CA10: variants seen among roughly 807,000 people sequenced by gnomAD.
CA10 encodes carbonic anhydrase-related protein 10.
A neutral mutation model predicts 44.2 loss-of-function variants in CA10; 14 were observed. The ratio of observed to expected loss-of-function variants is 0.32; its 90% CI spans 0.21 to 0.50. CA10 has a LOEUF of 0.50. CA10 is among the 20% of genes least tolerant of loss of function. CA10 has a pLI of 0.99. For missense variants in CA10, 350 were observed against 409.7 expected (o/e 0.85, Z 1.26); for synonymous variants, 159 against 141.6 (o/e 1.12, Z -0.87).
At chr17:51,909,481 G>A (rs1243206188) in intron 3 of CA10, among the ~76,000 whole-genome samples, 1 of 152,058 alleles carries the variant, frequency 6.6e-6, no homozygotes, top group East Asian at 1.9e-4. Context: ...CTTTTTTCGA[G>A]CTATTTTGAG....
chr17:51,636,579 T>A (rs979542373), intron 6 of CA10, among the ~76,000 whole-genome samples: 1 of 152,194 alleles, frequency 6.6e-6, no homozygotes, highest in African/African-American at 2.4e-5. Flanking sequence ...GAGTCCTTGA[T>A]TCTAGTCCCT....
chr17:51,979,755 A>G (rs1406706066), intron 2 of CA10, among the ~76,000 whole-genome samples: 1 of 152,146 alleles, frequency 6.6e-6, no homozygotes, highest in African/African-American at 2.4e-5. Flanking sequence ...ATTCCATGAA[A>G]TGCAGGAGCT....
In CA10 at chr17:52,158,388, G is replaced by C. The variant is rs759334403; in HGVS notation, c.-602C>G. 5.7e-6 allele frequency: 1 copy of C among 176,874 alleles called. No homozygotes were observed. Among genetic ancestry groups the C allele is most frequent in the Admixed American group, 5.7e-5 (1 of 17,618 alleles). 11.0% of individuals were successfully genotyped at this position (176,874 alleles called of 1,614,324 possible). On this transcript the variant is annotated 5_prime_UTR_variant, in exon 1 of 9. Transcript: ENST00000451037. Reference sequence around the variant, plus strand: ...TCTTCTCCTGCTTCCGGGGGGCGGGGAAGGAGCAGACACAGCAGACACACA... The same window carrying C: ...TCTTCTCCTGCTTCCGGGGGGCGGGCAAGGAGCAGACACAGCAGACACACA...
chr17:51,694,868 C>T (rs749626048), intron 4 of CA10, among the ~76,000 whole-genome samples: 8 of 152,094 alleles, frequency 5.3e-5, no homozygotes, highest in South Asian at 2.1e-4. Flanking sequence ...TTCATTCTTC[C>T]GCATATGGCT....
chr17:52,051,111 G>GAAGAA (rs3062841), intron 2 of CA10, among the ~76,000 whole-genome samples: 126,629 of 146,980 alleles, frequency 0.86, 55,649 homozygotes, highest in Non-Finnish European at 0.94. Flanking sequence ...AAGGAAGGAA[G>GAAGAA]AAGAAAAGAA....
At chr17:51,822,501 C>T (rs1398854108) in intron 3 of CA10, among the ~76,000 whole-genome samples, 1 of 152,196 alleles carries the variant, frequency 6.6e-6, no homozygotes, top group African/African-American at 2.4e-5. Flanking sequence ...CTCATTATTA[C>T]TACCTGCATT....
intron 2 of CA10, among the ~76,000 whole-genome samples, chr17:51,969,612 C>T (rs1018951161): frequency 3.3e-5 from 5 of 151,986 alleles, no homozygotes; most frequent in African/African-American, 7.2e-5. Flanking sequence ...AGATTGGAAC[C>T]GTAAGAAACA....
chr17:51,656,340 C>T (rs2143294690), intron 4 of CA10, among the ~76,000 whole-genome samples: 1 of 152,292 alleles, frequency 6.6e-6, no homozygotes, highest in South Asian at 2.1e-4. Context: ...CTTTTGGGAG[C>T]CAGGAACTGT....
intron 1 of CA10, among the ~76,000 whole-genome samples, chr17:52,109,632 G>T (rs1988747677): frequency 6.6e-6 from 1 of 152,212 alleles, no homozygotes; most frequent in Non-Finnish European, 1.5e-5. Context: ...CTAGGGACTG[G>T]AAATTAATAG....
intron 3 of CA10, among the ~76,000 whole-genome samples, chr17:51,811,335 A>T (rs1357344557): frequency 2.6e-5 from 4 of 152,188 alleles, no homozygotes. Context: ...ACATGTGCAC[A>T]ACGTGCAGGT....
intron 1 of CA10, among the ~76,000 whole-genome samples, chr17:52,084,126 G>T (rs1425062706): frequency 6.6e-6 from 1 of 152,088 alleles, no homozygotes; most frequent in Non-Finnish European, 1.5e-5. Flanking sequence ...TATAAGACTT[G>T]CAGCAGGAAA....
At chr17:51,790,863 C>T (rs7223782) in intron 3 of CA10, among the ~76,000 whole-genome samples, 15,971 of 152,188 alleles carry the variant, frequency 0.1, 1,215 homozygotes, top group African/African-American at 0.22. Context: ...CAGTACATCA[C>T]CACCTTCAAT....
intron 5 of CA10, among the ~76,000 whole-genome samples, chr17:51,652,432 T>A (rs1324868186): frequency 6.6e-6 from 1 of 152,212 alleles, no homozygotes; most frequent in Non-Finnish European, 1.5e-5. Flanking sequence ...CACAAAGGCA[T>A]GAAAGCCTAA....
At chr17:51,900,206 C>T (rs1210256119) in intron 3 of CA10, among the ~76,000 whole-genome samples, 1 of 152,134 alleles carries the variant, frequency 6.6e-6, no homozygotes, top group Non-Finnish European at 1.5e-5. Flanking sequence ...TTAAGGACCT[C>T]TTATAAGGCA....
intron 3 of CA10, among the ~76,000 whole-genome samples, chr17:51,823,316 C>T (rs768149942): frequency 6.6e-6 from 1 of 152,222 alleles, no homozygotes; most frequent in Non-Finnish European, 1.5e-5. Context: ...GGTGTATGCA[C>T]TCAAGTCACT....
intron 4 of CA10, among the ~76,000 whole-genome samples, chr17:51,694,799 C>T (rs1915343749): frequency 6.6e-6 from 1 of 152,098 alleles, no homozygotes; most frequent in South Asian, 2.1e-4. Flanking sequence ...CTTACATTTA[C>T]ATCATTAATA....
intron 4 of CA10, among the ~76,000 whole-genome samples, chr17:51,666,379 G>A (rs1162881302): frequency 6.6e-6 from 1 of 152,198 alleles, no homozygotes; most frequent in Non-Finnish European, 1.5e-5. Flanking sequence ...CCTCAGAACA[G>A]TGGAAAGTCA....
At chr17:51,753,471 T>C (rs992437779) in intron 3 of CA10, among the ~76,000 whole-genome samples, 3 of 152,210 alleles carry the variant, frequency 2.0e-5, no homozygotes, top group Non-Finnish European at 4.4e-5. Flanking sequence ...GGTCAATGCA[T>C]TTTTAAGGTA....
chr17:51,681,510 A>G (rs1478730419), intron 4 of CA10, among the ~76,000 whole-genome samples: 1 of 152,120 alleles, frequency 6.6e-6, no homozygotes, highest in Admixed American at 6.5e-5. Flanking sequence ...TACCTTGTAC[A>G]TTGTAGGATG....
Sources: allele counts gnomAD v4.1 joint callset (sites outside exome capture counted in the v4.1 genomes callset), GRCh38; gene constraint gnomAD v4.1.1; transcripts MANE v1.5; gene names NCBI Gene and HGNC (gene_info 2026-07-23, HGNC 2026-07-21).